The following CLVS2 variants were observed in gnomAD, a reference collection of about 807,000 sequenced individuals.
CLVS2 encodes the protein clavesin 2.
Under a neutral mutation model 29.0 loss-of-function variants are expected in CLVS2, and 19 were observed. That is an observed-to-expected ratio of 0.66 (90% confidence interval 0.46 to 0.96). The LOEUF (loss-of-function observed/expected upper bound fraction) is 0.96, where lower values mean the gene tolerates loss of function less well. Ranked by LOEUF, CLVS2 falls within the 40% of genes least tolerant of loss-of-function variation. The pLI, the probability that CLVS2 is intolerant of heterozygous loss-of-function variation, is 0.00. For missense variants in CLVS2, 294 were observed against 404.1 expected (o/e 0.73, Z 2.34); for synonymous variants, 161 against 151.3 (o/e 1.06, Z -0.47).
intron 4 of CLVS2, among the ~76,000 whole-genome samples, chr6:123,053,006 A>G (rs1198164358): frequency 1.4e-5 from 2 of 144,690 alleles, no homozygotes; most frequent in Non-Finnish European, 3.0e-5. Flanking sequence ...TAGTTAAAGA[A>G]GAGAAAAAAT....
At chr6:123,031,815 T>G (rs2114334718) in intron 3 of CLVS2, among the ~76,000 whole-genome samples, 1 of 152,116 alleles carries the variant, frequency 6.6e-6, no homozygotes, top group Middle Eastern at 3.4e-3. Flanking sequence ...TTTAATTGCC[T>G]TAGCCTCATT....
At chr6:123,009,221 T>C (rs992001338) in intron 2 of CLVS2, among the ~76,000 whole-genome samples, 1 of 151,414 alleles carries the variant, frequency 6.6e-6, no homozygotes, top group African/African-American at 2.4e-5. Context: ...ATAATGAGAA[T>C]AGCATGAGAT....
chr6:123,013,068 A>G (rs1774773951), intron 3 of CLVS2, among the ~76,000 whole-genome samples: 1 of 152,038 alleles, frequency 6.6e-6, no homozygotes, highest in African/African-American at 2.4e-5. Context: ...TCTGAATAAG[A>G]ATATAGGATT....
chr6:123,066,668 CT>C lies in CLVS2; in HGVS notation c.*2908del, dbSNP rs1364693848. On this transcript the variant is annotated 3_prime_UTR_variant, in exon 6 of 6. Transcript: ENST00000275162. ...CAGTGATGTTTGCCTGCATTTTTGACTACTATTTAAGAGGGAAGAGATTATC... is the reference window on the plus strand; with the variant it reads ...CAGTGATGTTTGCCTGCATTTTTGACACTATTTAAGAGGGAAGAGATTATC... 6.6e-6 allele frequency: 1 copy of C among 151,592 alleles called. No homozygotes were observed. The highest frequency in any genetic ancestry group is 6.6e-5 in the Admixed American group (1 of 15,170). 9.4% of individuals were successfully genotyped at this position (151,592 alleles called of 1,614,324 possible).
intron 4 of CLVS2, among the ~76,000 whole-genome samples, chr6:123,055,058 G>A (rs1416280039): frequency 1.3e-5 from 2 of 152,044 alleles, no homozygotes; most frequent in Non-Finnish European, 2.9e-5. Flanking sequence ...AAAATGAGGA[G>A]AGCATTTTGT....
At chr6:123,032,207 G>A (rs565153296) in intron 3 of CLVS2, among the ~76,000 whole-genome samples, 263 of 151,974 alleles carry the variant, frequency 1.7e-3, no homozygotes, top group Non-Finnish European at 2.8e-3. Flanking sequence ...TTTCCCGGTA[G>A]GCTTTTATCT....
At chr6:123,009,243 A>G (rs1342407463) in intron 2 of CLVS2, among the ~76,000 whole-genome samples, 1 of 152,042 alleles carries the variant, frequency 6.6e-6, no homozygotes, top group Non-Finnish European at 1.5e-5. Flanking sequence ...GGGACAGTTA[A>G]CTGATCCTCA....
chr6:123,022,080 G>A (rs1320523177), intron 3 of CLVS2, among the ~76,000 whole-genome samples: 2 of 151,966 alleles, frequency 1.3e-5, no homozygotes, highest in African/African-American at 4.8e-5. Context: ...AAGGCCCCTA[G>A]CTGGTATGCC....
Position 122,997,510 on chromosome 6 carries a change from A to C in CLVS2, c.-268A>C, listed in dbSNP as rs998220553. On this transcript the variant is annotated 5_prime_UTR_variant, in exon 2 of 6. Transcript: ENST00000275162. ...CCCTTCAGGGGTTCACATCTCTTTAAAGGAAAGGAAAGAGGGAGCCAAAGT... is the reference window on the plus strand; with the variant it reads ...CCCTTCAGGGGTTCACATCTCTTTACAGGAAAGGAAAGAGGGAGCCAAAGT... The C allele has an allele frequency of 5.9e-5, 30 of 512,378 alleles. No homozygotes were observed. Among genetic ancestry groups the C allele is most frequent in the Non-Finnish European group, 7.6e-5 (21 of 278,076 alleles). The allele number at this position is 512,378 out of a possible 1,614,324, so 31.7% of individuals were successfully genotyped here. A position where few individuals can be genotyped will look rare whatever the true frequency, so the allele number is the denominator to read the frequency against.
intron 5 of CLVS2, among the ~76,000 whole-genome samples, chr6:123,061,399 T>A (rs547272419): frequency 5.9e-5 from 9 of 152,174 alleles, no homozygotes; most frequent in African/African-American, 2.2e-4. Context: ...TCATTAATAC[T>A]TCTGATCCTG....
At chr6:123,037,808 T>G (rs1775175667) in intron 3 of CLVS2, among the ~76,000 whole-genome samples, 1 of 152,148 alleles carries the variant, frequency 6.6e-6, no homozygotes, top group African/African-American at 2.4e-5. Context: ...TGACTCAATG[T>G]CTCCACATTA....
Position 122,997,947 on chromosome 6 carries a change from T to C in CLVS2, c.170T>C (p.Phe57Ser). The C allele has an allele frequency of 2.5e-6, 4 of 1,614,116 alleles. No homozygotes were observed. Among genetic ancestry groups the C allele is most frequent in the Non-Finnish European group, 3.4e-6 (4 of 1,179,994 alleles). Reference sequence around the variant, plus strand: ...ACGGATGATGCCTTCATCTTACGCTTCTTGCGGGCTAGGAAGTTTCATCAC... The same window carrying C: ...ACGGATGATGCCTTCATCTTACGCTCCTTGCGGGCTAGGAAGTTTCATCAC... ...LRTDDAFILR[F>S]LRARKFHHFE... Residue 57 changes from phenylalanine (F) to serine (S), a missense_variant, in exon 2 of 6, where the codon TTC becomes TCC. Coordinates refer to ENST00000275162, the MANE Select transcript of CLVS2 (RefSeq NM_001010852.4).
intron 2 of CLVS2, among the ~76,000 whole-genome samples, chr6:123,003,518 A>G (rs547664585): frequency 3.4e-4 from 52 of 152,326 alleles, no homozygotes; most frequent in Non-Finnish European, 6.3e-4. Context: ...ATACTCCTGT[A>G]TGTGGGATCG....
intron 2 of CLVS2, among the ~76,000 whole-genome samples, chr6:123,007,664 C>G (rs1379649110): frequency 6.6e-6 from 1 of 152,110 alleles, no homozygotes; most frequent in East Asian, 1.9e-4. Context: ...TCTACATAGT[C>G]TGGTGTCAGT....
chr6:123,031,539 T>A (rs1260536710), intron 3 of CLVS2, among the ~76,000 whole-genome samples: 1 of 152,204 alleles, frequency 6.6e-6, no homozygotes, highest in Non-Finnish European at 1.5e-5. Flanking sequence ...ATACAAATAG[T>A]AACCATATGA....
intron 3 of CLVS2, among the ~76,000 whole-genome samples, chr6:123,033,721 C>A (rs1177845965): frequency 6.6e-6 from 1 of 151,660 alleles, no homozygotes; most frequent in Non-Finnish European, 1.5e-5. Context: ...TTGAACCTCA[C>A]CAAAATTAAA....
Position 123,071,927 on chromosome 6 carries a change from G to T in CLVS2, c.*8166G>T, listed in dbSNP as rs1772955916. Reference sequence around the variant, plus strand: ...TATATTCCAACTGGCTTTTCAGCTTGCTCCCTTCTCTTTTAATTTCAGCTA... The same window carrying T: ...TATATTCCAACTGGCTTTTCAGCTTTCTCCCTTCTCTTTTAATTTCAGCTA... On this transcript the variant is annotated 3_prime_UTR_variant, in exon 6 of 6. Transcript: ENST00000275162. 6.6e-6 allele frequency: 1 copy of T among 151,918 alleles called. No individual in the cohort carries two copies. Among genetic ancestry groups the T allele is most frequent in the African/African-American group, 2.4e-5 (1 of 41,410 alleles). The allele number at this position is 151,918 out of a possible 1,614,324, so 9.4% of individuals were successfully genotyped here. A position where few individuals can be genotyped will look rare whatever the true frequency, so the allele number is the denominator to read the frequency against.
intron 3 of CLVS2, among the ~76,000 whole-genome samples, chr6:123,023,489 A>G (rs903089522): frequency 7.2e-5 from 11 of 152,128 alleles, no homozygotes; most frequent in Non-Finnish European, 1.5e-4. Flanking sequence ...GAGGCTTCCC[A>G]TAAGGTTATT....
chr6:123,043,460 T>C (rs1775262972), intron 3 of CLVS2, among the ~76,000 whole-genome samples: 2 of 152,160 alleles, frequency 1.3e-5, no homozygotes, highest in Non-Finnish European at 2.9e-5. Flanking sequence ...CTTATCACTA[T>C]ATGCCCTTTG....
Sources: allele counts gnomAD v4.1 joint callset (sites outside exome capture counted in the v4.1 genomes callset), GRCh38; gene constraint gnomAD v4.1.1; transcripts MANE v1.5; gene names NCBI Gene and HGNC (gene_info 2026-07-23, HGNC 2026-07-21).